OSBPL1A: variants seen among roughly 807,000 people sequenced by gnomAD.
OSBPL1A encodes the protein oxysterol binding protein like 1A.
In OSBPL1A, 80 loss-of-function variants were observed where a neutral mutation model predicts 137.1. That is an observed-to-expected ratio of 0.58 (90% CI 0.49 to 0.70). The LOEUF (loss-of-function observed/expected upper bound fraction) is 0.70, where lower values mean the gene tolerates loss of function less well. OSBPL1A is among the 30% of genes least tolerant of loss of function. OSBPL1A has a pLI of 0.00. For missense variants in OSBPL1A, 970 were observed against 1,129.4 expected (o/e 0.86, Z 2.02); for synonymous variants, 365 against 389.7 (o/e 0.94, Z 0.75).
intron 18 of OSBPL1A, among the ~76,000 whole-genome samples, chr18:24,186,902 TCAAAAAA>T (rs1420859663): frequency 8.1e-5 from 2 of 24,714 alleles, no homozygotes; most frequent in African/African-American, 3.6e-4. Context: ...AGACTCTGTC[TCAAAAAA>T]AAAAAAAAAA....
At chr18:24,171,387 A>G (rs1170350475) in intron 23 of OSBPL1A, 22 bp downstream of exon 23, 7 of 1,558,560 alleles carry the variant, frequency 4.5e-6, no homozygotes, top group Non-Finnish European at 6.2e-6. Context: ...ATACTATTCA[A>G]CATTTAAAAG....
At chr18:24,242,293 A>AAAACAAAC (rs112679194) in intron 15 of OSBPL1A, among the ~76,000 whole-genome samples, 2,522 of 146,828 alleles carry the variant, frequency 0.017, 31 homozygotes, top group Middle Eastern at 0.032. Flanking sequence ...AAGTATAATT[A>AAAACAAAC]AAACAAACAA....
intron 4 of OSBPL1A, among the ~76,000 whole-genome samples, chr18:24,362,007 AAAAAAAAAAAAAG>A (rs61508774): frequency 0.21 from 31,713 of 150,274 alleles, 3,928 homozygotes; most frequent in East Asian, 0.51. Context: ...AAAAAAAAAA[AAAAAAAAAAAAAG>A]ACATAGACAA....
At chr18:24,318,444 A>G (rs1388765167) in intron 9 of OSBPL1A, among the ~76,000 whole-genome samples, 157 bp downstream of exon 9, 1 of 152,004 alleles carries the variant, frequency 6.6e-6, no homozygotes, top group Non-Finnish European at 1.5e-5. Context: ...CTCAATAACT[A>G]AAAATAAAAA....
chr18:24,345,724 T>A, intron 4 of OSBPL1A, among the ~76,000 whole-genome samples: 1 of 152,096 alleles, frequency 6.6e-6, no homozygotes, highest in East Asian at 1.9e-4. Flanking sequence ...TGTAGATATA[T>A]TTTAATTTTT....
intron 4 of OSBPL1A, among the ~76,000 whole-genome samples, chr18:24,344,932 G>A (rs913057503): frequency 1.3e-5 from 2 of 152,016 alleles, no homozygotes; most frequent in African/African-American, 4.8e-5. Flanking sequence ...TCCCACCTCA[G>A]CCTCCCAAGT....
At chr18:24,250,152 GTTTTTGTT>G (rs2089034417) in intron 15 of OSBPL1A, among the ~76,000 whole-genome samples, 1 of 71,954 alleles carries the variant, frequency 1.4e-5, no homozygotes. Flanking sequence ...GCGTTTGTGT[GTTTTTGTT>G]TGTTTGTTTG....
rs1162137031 is a variant in OSBPL1A at position 24,361,995 on chromosome 18, TC to T, written c.282+4896del. ...CTGGGTGACAATGGGAGACTCCATC[TC>T]AAAAAAAAAAAAAAAAAAAAAAAGA... On this transcript the variant is annotated intron_variant, in intron 4 of 27. Transcript: ENST00000319481. Among the ~76,000 whole-genome samples the T allele has an allele frequency of 2.0e-4, 13 of 65,278 alleles. No individual in the cohort carries two copies. The South Asian group carries it at 5.2e-3, about 26-fold the overall frequency. The allele number at this position is 65,278 out of a possible 152,430, so 42.8% of individuals were successfully genotyped here. A position where few individuals can be genotyped will look rare whatever the true frequency, so the allele number is the denominator to read the frequency against.
chr18:24,276,161 T>C (rs2089842080), intron 15 of OSBPL1A, among the ~76,000 whole-genome samples: 1 of 152,150 alleles, frequency 6.6e-6, no homozygotes, highest in Non-Finnish European at 1.5e-5. Context: ...AAAATTGGTA[T>C]GACTAACATC....
At chr18:24,282,010 T>A (rs1029387641) in intron 14 of OSBPL1A, among the ~76,000 whole-genome samples, 2 of 152,148 alleles carry the variant, frequency 1.3e-5, no homozygotes, top group African/African-American at 4.8e-5. Context: ...GGGCTCCTTA[T>A]GAGAATCTAA....
At chr18:24,180,962 A>G (rs137988181) in intron 19 of OSBPL1A, among the ~76,000 whole-genome samples, 183 bp downstream of exon 19, 1 of 152,316 alleles carries the variant, frequency 6.6e-6, no homozygotes, top group African/African-American at 2.4e-5. Context: ...TGCAATACTC[A>G]TCGGTCTCTG....
intron 2 of OSBPL1A, among the ~76,000 whole-genome samples, chr18:24,375,082 A>C (rs1305250309): frequency 1.3e-5 from 2 of 152,120 alleles, no homozygotes; most frequent in Non-Finnish European, 2.9e-5. Flanking sequence ...TGGGAGGCTG[A>C]GATGAGAGGA....
chr18:24,171,383 T>G (rs772153334), intron 23 of OSBPL1A, 26 bp downstream of exon 23: 1 of 1,538,852 alleles, frequency 6.5e-7, no homozygotes. Flanking sequence ...ATCTATACTA[T>G]TCAACATTTA....
At chr18:24,201,082 T>C (rs1456121828) in intron 17 of OSBPL1A, among the ~76,000 whole-genome samples, 1 of 151,936 alleles carries the variant, frequency 6.6e-6, no homozygotes, top group Non-Finnish European at 1.5e-5. Flanking sequence ...GGAGTTTATC[T>C]GAGGGTCATT....
At chr18:24,369,392 C>A (rs1280311102) in intron 2 of OSBPL1A, among the ~76,000 whole-genome samples, 1 of 152,148 alleles carries the variant, frequency 6.6e-6, no homozygotes, top group Non-Finnish European at 1.5e-5. Flanking sequence ...AAAAGCTTCC[C>A]AAAATTCCCA....
At chr18:24,221,480 G>C (rs372953741) in intron 17 of OSBPL1A, among the ~76,000 whole-genome samples, 6 of 152,124 alleles carry the variant, frequency 3.9e-5, no homozygotes, top group African/African-American at 1.4e-4. Flanking sequence ...GAATCAGACA[G>C]AAAAAAAGTC....
intron 21 of OSBPL1A, among the ~76,000 whole-genome samples, chr18:24,175,122 A>ATATATACG (rs2086406668): frequency 8.0e-6 from 1 of 124,984 alleles, no homozygotes; most frequent in African/African-American, 4.1e-5. Flanking sequence ...ATATATATAT[A>ATATATACG]TATATATATA....
At chr18:24,368,557 C>A (rs915630319) in intron 2 of OSBPL1A, 185 bp from the exon 3 acceptor site, 2 of 531,230 alleles carry the variant, frequency 3.8e-6, no homozygotes, top group African/African-American at 3.8e-5. Context: ...AGGTGCAGAT[C>A]TGGTGCCACC....
chr18:24,272,092 G>T lies in OSBPL1A; in HGVS notation c.1281+8750C>A, dbSNP rs900751806. ...GCTGGCGGGCGGAGGCGCAGGTAGGGACCGCCGGGGAAGCCTGCACGGCCC... is the reference window on the plus strand; with the variant it reads ...GCTGGCGGGCGGAGGCGCAGGTAGGTACCGCCGGGGAAGCCTGCACGGCCC... On this transcript the variant is annotated intron_variant, in intron 15 of 27. Coordinates refer to ENST00000319481, the MANE Select transcript of OSBPL1A (RefSeq NM_080597.4). 4.1e-4 allele frequency: 404 copies of T among 982,862 alleles called. 1 individual carries two copies. In the African/African-American group the frequency reaches 6.5e-3, roughly 16 times the overall value. The allele number at this position is 982,862 out of a possible 1,614,324, so 60.9% of individuals were successfully genotyped here.
Sources: gnomAD v4.1 joint callset for allele counts (sites outside exome capture counted in the v4.1 genomes callset) on GRCh38, gnomAD v4.1.1 for gene constraint, MANE v1.5 for transcripts, NCBI Gene and HGNC (gene_info 2026-07-23, HGNC 2026-07-21) for gene names.